The following PLCB1 variants were observed in gnomAD, a reference collection of about 807,000 sequenced individuals.
PLCB1 encodes the protein 1-phosphatidylinositol 4,5-bisphosphate phosphodiesterase beta-1.
A neutral mutation model predicts 161.8 loss-of-function variants in PLCB1; 46 were observed. The observed-to-expected ratio is 0.28, with a 90% confidence interval of 0.22 to 0.36. The LOEUF is 0.36. PLCB1 is among the 10% of genes least tolerant of loss of function. The probability of loss-of-function intolerance (pLI) is 1.00; values close to 1 mark genes in which losing one functional copy is unlikely to be tolerated. For missense variants in PLCB1, 1,016 were observed against 1,472.5 expected, an observed-to-expected ratio of 0.69 and a Z score of 5.07; for synonymous variants, 517 against 503.7, an observed-to-expected ratio of 1.03 and a Z score of -0.35.
At position 8,884,581 on chromosome 20, in the gene PLCB1, T is replaced by TTAAG. The variant is rs1326400737; in HGVS notation, c.*2736_*2739dup. On this transcript the variant is annotated 3_prime_UTR_variant, in exon 32 of 32. Coordinates refer to ENST00000338037, the MANE Select transcript of PLCB1 (RefSeq NM_015192.4). ...TACTCCTGTAGTAGATAAGCTGTCA[T>TTAAG]TAAGTAATTCCCAAAAAAAGGGCCA... 1 of 152,646 alleles carries TTAAG rather than the reference T, an allele frequency of 6.6e-6. No individual in the cohort carries two copies. Among genetic ancestry groups the TTAAG allele is most frequent in the East Asian group, 1.9e-4 (1 of 5,194 alleles). 9.5% of individuals were successfully genotyped at this position (152,646 alleles called of 1,614,324 possible). A position where few individuals can be genotyped will look rare whatever the true frequency, so the allele number is the denominator to read the frequency against.
At chr20:8,283,643 A>G (rs1422428987) in intron 2 of PLCB1, among the ~76,000 whole-genome samples, 4 of 151,868 alleles carry the variant, frequency 2.6e-5, no homozygotes, top group Non-Finnish European at 2.9e-5. Flanking sequence ...TACTCACTTT[A>G]AAGTTTTTAT....
intron 2 of PLCB1, among the ~76,000 whole-genome samples, chr20:8,175,762 C>A (rs1203434925): frequency 6.6e-6 from 1 of 151,672 alleles, no homozygotes; most frequent in East Asian, 1.9e-4. Flanking sequence ...ACATATCTGC[C>A]AAAGGACTTG....
At chr20:8,712,567 A>G (rs1979078672) in intron 12 of PLCB1, among the ~76,000 whole-genome samples, 1 of 152,212 alleles carries the variant, frequency 6.6e-6, no homozygotes, top group African/African-American at 2.4e-5. Flanking sequence ...CTGACATCCT[A>G]CTTGTGAACT....
At chr20:8,510,391 T>C (rs1461808840) in intron 3 of PLCB1, among the ~76,000 whole-genome samples, 2 of 149,810 alleles carry the variant, frequency 1.3e-5, no homozygotes, top group Admixed American at 6.6e-5. Context: ...TTCTTTTTTT[T>C]TTTTTTTTTT....
chr20:8,748,769 A>G (rs1384418589), intron 23 of PLCB1, among the ~76,000 whole-genome samples: 1 of 152,188 alleles, frequency 6.6e-6, no homozygotes, highest in African/African-American at 2.4e-5. Flanking sequence ...ATAATTAACA[A>G]TCATGTATCA....
chr20:8,412,846 A>G (rs951756409), intron 3 of PLCB1, among the ~76,000 whole-genome samples: 1 of 152,164 alleles, frequency 6.6e-6, no homozygotes, highest in African/African-American at 2.4e-5. Context: ...CATGGAGGAA[A>G]CACAGCATGT....
chr20:8,519,520 C>T (rs1984267514), intron 3 of PLCB1, among the ~76,000 whole-genome samples: 1 of 152,064 alleles, frequency 6.6e-6, no homozygotes, highest in East Asian at 1.9e-4. Flanking sequence ...GCTCTCTCTC[C>T]CCCATAGTGA....
intron 3 of PLCB1, among the ~76,000 whole-genome samples, chr20:8,417,449 GT>G (rs11323589): frequency 0.22 from 31,314 of 145,178 alleles, 3,513 homozygotes; most frequent in African/African-American, 0.28. Context: ...ATAATTCAGG[GT>G]TTTTTTTTTT....
chr20:8,822,569 G>T (rs575494566), intron 31 of PLCB1, among the ~76,000 whole-genome samples: 1 of 152,306 alleles, frequency 6.6e-6, no homozygotes, highest in African/African-American at 2.4e-5. Flanking sequence ...GAGACTATCA[G>T]AGGTAAGGGG....
At chr20:8,174,388 T>C (rs1266670957) in intron 2 of PLCB1, among the ~76,000 whole-genome samples, 1 of 152,092 alleles carries the variant, frequency 6.6e-6, no homozygotes, top group Non-Finnish European at 1.5e-5. Flanking sequence ...CCAGTGAAAA[T>C]ATCCTCCTAG....
intron 23 of PLCB1, among the ~76,000 whole-genome samples, chr20:8,746,608 G>A (rs1407502827): frequency 3.3e-5 from 5 of 152,080 alleles, no homozygotes; most frequent in Non-Finnish European, 1.5e-5. Context: ...GCCTCCCAAA[G>A]CACTGAGATT....
intron 3 of PLCB1, among the ~76,000 whole-genome samples, chr20:8,559,327 A>C (rs1381504237): frequency 2.0e-5 from 3 of 151,974 alleles, no homozygotes; most frequent in African/African-American, 7.2e-5. Flanking sequence ...ATTAACTATA[A>C]AATATACAGA....
Position 8,293,895 on chromosome 20 carries a change from C to A in PLCB1, c.178-77487C>A, listed in dbSNP as rs150051642. On this transcript the variant is annotated intron_variant, in intron 2 of 31. Transcript: ENST00000338037. Reference sequence around the variant, plus strand: ...GATGCCATTGCAGAGAAGTAAGGGACTAGAGAAAGGGCGGGTCTGTGGCAG... The same window carrying A: ...GATGCCATTGCAGAGAAGTAAGGGAATAGAGAAAGGGCGGGTCTGTGGCAG... Among the ~76,000 whole-genome samples the A allele has an allele frequency of 3.0e-3, 453 of 152,196 alleles. 1 individual carries two copies. Among genetic ancestry groups the A allele is most frequent in the African/African-American group, 0.01 (422 of 41,550 alleles).
At chr20:8,874,587 C>T (rs934435900) in intron 31 of PLCB1, among the ~76,000 whole-genome samples, 6 of 151,898 alleles carry the variant, frequency 4.0e-5, no homozygotes, top group African/African-American at 1.4e-4. Context: ...TTTTAGGAAA[C>T]GTATGCTTCA....
intron 31 of PLCB1, among the ~76,000 whole-genome samples, chr20:8,821,499 A>G (rs13043718): frequency 0.036 from 51 of 1,404 alleles, 1 homozygote; most frequent in African/African-American, 0.079. Context: ...AAAAAAAAAT[A>G]TGTATATATA....
intron 2 of PLCB1, among the ~76,000 whole-genome samples, chr20:8,213,035 G>A (rs746102618): frequency 6.6e-6 from 1 of 151,780 alleles, no homozygotes; most frequent in Non-Finnish European, 1.5e-5. Context: ...GCCTCTTCAG[G>A]TACCTTTGAG....
At position 8,421,680 on chromosome 20, in the gene PLCB1, C is replaced by A. The variant is rs560749898; in HGVS notation, c.246+50230C>A. 4.2e-5 allele frequency among the ~76,000 whole-genome samples: 6 copies of A among 141,974 alleles called. No individual in the cohort carries two copies. In the South Asian group the frequency reaches 1.2e-3, roughly 29 times the overall value. 93.1% of individuals were successfully genotyped at this position (141,974 alleles called of 152,430 possible). A position where few individuals can be genotyped will look rare whatever the true frequency, so the allele number is the denominator to read the frequency against. On this transcript the variant is annotated intron_variant, in intron 3 of 31. Coordinates refer to ENST00000338037, the MANE Select transcript of PLCB1 (RefSeq NM_015192.4). The stretch of plus-strand genomic sequence containing the variant: ...CAAAGATCCCTTTAATCCCTAAAAC[C>A]TTTGCATACTTGTAAATGTTTATTT...
At chr20:8,286,232 G>T (rs1178701131) in intron 2 of PLCB1, among the ~76,000 whole-genome samples, 1 of 152,206 alleles carries the variant, frequency 6.6e-6, no homozygotes, top group Non-Finnish European at 1.5e-5. Flanking sequence ...GCTGAGGTAG[G>T]AGAATCGCTT....
At chr20:8,758,026 A>G (rs930420598) in intron 24 of PLCB1, among the ~76,000 whole-genome samples, 4 of 151,704 alleles carry the variant, frequency 2.6e-5, no homozygotes, top group Admixed American at 6.6e-5. Flanking sequence ...CTTCAATTTG[A>G]TGCCTCCTCT....
Sources: allele counts gnomAD v4.1 joint callset (sites outside exome capture counted in the v4.1 genomes callset), GRCh38; gene constraint gnomAD v4.1.1; transcripts MANE v1.5; gene names NCBI Gene and HGNC (gene_info 2026-07-23, HGNC 2026-07-21).